The following AGO3 variants were observed in gnomAD, a reference collection of about 807,000 sequenced individuals.
AGO3 encodes the protein argonaute RISC catalytic component 3.
A neutral mutation model predicts 105.5 loss-of-function variants in AGO3; 16 were observed. The observed-to-expected ratio is 0.15, with a 90% confidence interval of 0.10 to 0.23. AGO3 has a LOEUF of 0.23. Ranked by LOEUF, AGO3 falls within the 10% of genes least tolerant of loss-of-function variation. The pLI, the probability that AGO3 is intolerant of heterozygous loss-of-function variation, is 1.00. For synonymous variants in AGO3, 340 were observed against 367.3 expected (o/e 0.93, Z 0.85); for missense variants, 534 against 1,088.0 (o/e 0.49, Z 7.16).
rs890237995 is a variant in AGO3 at position 36,008,490 on chromosome 1, A to T, written c.794-200A>T. On this transcript the variant is annotated intron_variant, in intron 6 of 18. Coordinates refer to ENST00000373191, the MANE Select transcript of AGO3 (RefSeq NM_024852.4). This position sits in a 1 kb window ranked among gnomAD's most constrained non-coding sequence, Gnocchi z 5.1. ...GTAGAGCTTGATGGGGTAAGGAAAA[A>T]TTTTGCCATTAGGTCTGTCATGACT... Among the ~76,000 whole-genome samples the T allele has an allele frequency of 6.9e-6, 1 of 145,638 alleles. No individual in the cohort carries two copies. The highest frequency in any genetic ancestry group is 2.5e-5 in the African/African-American group (1 of 39,448).
At position 36,056,259 on chromosome 1, in the gene AGO3, T is replaced by C. The variant is rs921388735; in HGVS notation, c.*514T>C. On this transcript the variant is annotated 3_prime_UTR_variant, in exon 19 of 19. Transcript: ENST00000373191. ...ATATGCATATATATCTAGATCTGGA[T>C]TGATAATAGATATATATGTGTCTGT... 3 of 152,754 alleles carry C rather than the reference T, an allele frequency of 2.0e-5. No homozygotes were observed. The highest frequency in any genetic ancestry group is 7.2e-5 in the African/African-American group (3 of 41,448). 9.5% of individuals were successfully genotyped at this position (152,754 alleles called of 1,614,324 possible).
chr1:36,055,819 C>A lies in AGO3; in HGVS notation c.*74C>A. ...ATACAACGTATGTTTCCAGTGAAGT[C>A]AATTGAGTAAGGACACCTCCAGCCA... On this transcript the variant is annotated 3_prime_UTR_variant, in exon 19 of 19. Transcript: ENST00000373191. The surrounding 1 kb of genome is among the most constrained non-coding windows in gnomAD (Gnocchi z 4.4). 1.3e-6 allele frequency: 2 copies of A among 1,485,656 alleles called. No individual in the cohort carries two copies. The highest frequency in any genetic ancestry group is 2.3e-5 in the South Asian group (2 of 86,132). The allele number at this position is 1,485,656 out of a possible 1,614,324, so 92.0% of individuals were successfully genotyped here. A position where few individuals can be genotyped will look rare whatever the true frequency, so the allele number is the denominator to read the frequency against.
At chr1:35,982,791 A>G (rs975630715) in intron 5 of AGO3, 1 of 548,534 alleles carries the variant, frequency 1.8e-6, no homozygotes, top group Admixed American at 3.4e-5. Context: ...CCATGTCCAG[A>G]AAAAAAAAAC....
chr1:36,003,709 A>AAATATATATATAT (rs1295618675), intron 5 of AGO3, among the ~76,000 whole-genome samples: 2 of 99,438 alleles, frequency 2.0e-5, no homozygotes, highest in African/African-American at 8.1e-5. Flanking sequence ...AAAAAAAAAA[A>AAATATATATATAT]ATATATATAT....
rs368831155 is a variant in AGO3 at position 36,050,400 on chromosome 1, C to T, written c.2275-4546C>T. 2.5e-4 allele frequency among the ~76,000 whole-genome samples: 38 copies of T among 152,134 alleles called. 1 individual carries two copies. The highest frequency in any genetic ancestry group is 6.8e-3 in the Middle Eastern group (2 of 294). ...ACTCAGGAGGCTGAGGCAAGAGAAT[C>T]GCTTGAACCTAGAAGGTGGAGGTTG... On this transcript the variant is annotated intron_variant, in intron 17 of 18. Coordinates refer to ENST00000373191, the MANE Select transcript of AGO3 (RefSeq NM_024852.4).
At chr1:35,952,110 GTCTT>G (rs146413112) in intron 2 of AGO3, among the ~76,000 whole-genome samples, 55,467 of 111,716 alleles carry the variant, frequency 0.5, 17,416 homozygotes, top group Non-Finnish European at 0.67. Flanking sequence ...TTCTGGGTCG[GTCTT>G]TCTTTCTTTC....
chr1:35,971,496 A>T (rs1001639032), intron 3 of AGO3, among the ~76,000 whole-genome samples: 1 of 151,208 alleles, frequency 6.6e-6, no homozygotes, highest in East Asian at 1.9e-4. Context: ...GAACTTTAAT[A>T]TGCTTCCAAA....
intron 14 of AGO3, among the ~76,000 whole-genome samples, chr1:36,039,239 T>TA (rs1642143716): frequency 6.6e-6 from 1 of 152,116 alleles, no homozygotes; most frequent in African/African-American, 2.4e-5. Flanking sequence ...CTCATGCCTG[T>TA]AATCCCAGCA....
chr1:36,026,784 A>G (rs1319347428), intron 11 of AGO3, among the ~76,000 whole-genome samples: 1 of 152,228 alleles, frequency 6.6e-6, no homozygotes, highest in Non-Finnish European at 1.5e-5. Flanking sequence ...AAACTGAAGT[A>G]AGTGCCTAAA....
intron 5 of AGO3, among the ~76,000 whole-genome samples, chr1:36,003,709 A>AAAATATATATAT (rs1295618675): frequency 4.0e-5 from 4 of 99,432 alleles, no homozygotes; most frequent in East Asian, 2.9e-4. Flanking sequence ...AAAAAAAAAA[A>AAAATATATATAT]ATATATATAT....
chr1:35,973,286 G>A (rs1646900471), intron 4 of AGO3, 89 bp from the exon 5 acceptor site: 17 of 1,238,570 alleles, frequency 1.4e-5, no homozygotes, highest in Non-Finnish European at 1.8e-5. Flanking sequence ...GCATCATTAT[G>A]TTAATTGTGC....
intron 5 of AGO3, among the ~76,000 whole-genome samples, chr1:36,003,709 A>ATATAT (rs1553165851): frequency 5.3e-4 from 53 of 99,434 alleles, no homozygotes; most frequent in African/African-American, 1.5e-3. Context: ...AAAAAAAAAA[A>ATATAT]ATATATATAT....
intron 9 of AGO3, among the ~76,000 whole-genome samples, chr1:36,013,155 T>C (rs1640704873): frequency 6.6e-6 from 1 of 151,964 alleles, no homozygotes; most frequent in Non-Finnish European, 1.5e-5. Context: ...CTCAGGTTGG[T>C]CTTGAGCTCC....
chr1:35,933,485 C>G (rs974139057), intron 1 of AGO3, among the ~76,000 whole-genome samples: 1 of 151,484 alleles, frequency 6.6e-6, no homozygotes, highest in Admixed American at 6.6e-5. Flanking sequence ...CTACAAAAAA[C>G]AGAAAACTTA....
intron 13 of AGO3, 141 bp from the exon 14 acceptor site, chr1:36,036,032 CAAAA>C (rs11312730): frequency 8.7e-3 from 3,011 of 347,788 alleles, no homozygotes; most frequent in South Asian, 0.013. Flanking sequence ...GACTCCGTCT[CAAAA>C]AAAAAAAAAA....
intron 17 of AGO3, among the ~76,000 whole-genome samples, chr1:36,049,430 A>G (rs1021349689): frequency 6.6e-6 from 1 of 151,900 alleles, no homozygotes; most frequent in Non-Finnish European, 1.5e-5. Flanking sequence ...AGGCAGGAGG[A>G]TCACTTGAAC....
At position 36,068,504 on chromosome 1, in the gene AGO3, T is replaced by A. The variant is rs1200856709; in HGVS notation, c.*12759T>A. The A allele has an allele frequency of 6.6e-6, 1 of 152,026 alleles. No homozygotes were observed. Among genetic ancestry groups the A allele is most frequent in the East Asian group, 1.9e-4 (1 of 5,202 alleles). The allele number at this position is 152,026 out of a possible 1,614,324, so 9.4% of individuals were successfully genotyped here. A position where few individuals can be genotyped will look rare whatever the true frequency, so the allele number is the denominator to read the frequency against. On this transcript the variant is annotated 3_prime_UTR_variant, in exon 19 of 19. Coordinates refer to ENST00000373191, the MANE Select transcript of AGO3 (RefSeq NM_024852.4). ...TACAGCAAGACCCCAATCTTTAAAA[T>A]AAATAAATAAATAAGAATTATTCTT...
intron 2 of AGO3, among the ~76,000 whole-genome samples, chr1:35,964,526 T>C (rs1278868674): frequency 6.6e-6 from 1 of 152,200 alleles, no homozygotes; most frequent in Non-Finnish European, 1.5e-5. Flanking sequence ...CAGTGTACCA[T>C]TGATGGGCAT....
Position 36,014,056 on chromosome 1 carries a change from A to G in AGO3, c.1406+8A>G. 6.2e-7 allele frequency: 1 copy of G among 1,614,050 alleles called. No homozygotes were observed. Among genetic ancestry groups the G allele is most frequent in the Non-Finnish European group, 8.5e-7 (1 of 1,179,972 alleles). On this transcript the variant is annotated splice_region_variant and intron_variant, in intron 11 of 18. Coordinates refer to ENST00000373191, the MANE Select transcript of AGO3 (RefSeq NM_024852.4). Reference sequence around the variant, plus strand: ...CAGAGAAGAAATATTGAAGTAAGACATGTCATTACCTTGGCTTTGGGACTT... The same window carrying G: ...CAGAGAAGAAATATTGAAGTAAGACGTGTCATTACCTTGGCTTTGGGACTT...
Sources: allele counts gnomAD v4.1 joint callset (sites outside exome capture counted in the v4.1 genomes callset), GRCh38; gene constraint gnomAD v4.1.1; non-coding constraint Gnocchi (gnomAD v3.1); transcripts MANE v1.5; gene names NCBI Gene and HGNC (gene_info 2026-07-23, HGNC 2026-07-21).